PDE4B: variants seen among roughly 807,000 people sequenced by gnomAD.
The protein encoded by PDE4B is phosphodiesterase 4B, also known as 3',5'-cyclic-AMP phosphodiesterase 4B.
PDE4B carries 20 observed loss-of-function variants against 82.2 expected under a neutral mutation model. The ratio of observed to expected loss-of-function variants is 0.24; its 90% CI spans 0.17 to 0.35. The LOEUF (loss-of-function observed/expected upper bound fraction) is 0.35. Ranked by LOEUF, PDE4B falls within the 10% of genes least tolerant of loss-of-function variation. The pLI, the probability that PDE4B is intolerant of heterozygous loss-of-function variation, is 1.00. For missense variants in PDE4B, 655 were observed against 907.2 expected (o/e 0.72, Z 3.57); for synonymous variants, 320 against 318.9 (o/e 1.00, Z -0.04).
intron 3 of PDE4B, among the ~76,000 whole-genome samples, chr1:66,236,349 A>G (rs1009873746): frequency 1.3e-5 from 2 of 152,126 alleles, no homozygotes; most frequent in African/African-American, 4.8e-5. Context: ...GTTTACTTCT[A>G]CATATGTCAT....
At chr1:66,238,213 A>T (rs1217970045) in intron 3 of PDE4B, among the ~76,000 whole-genome samples, 1 of 152,212 alleles carries the variant, frequency 6.6e-6, no homozygotes, top group Non-Finnish European at 1.5e-5. Flanking sequence ...AGCAAAGCAG[A>T]TATACCAGGA....
At chr1:65,819,895 A>G (rs961906552) in intron 1 of PDE4B, among the ~76,000 whole-genome samples, 1 of 152,214 alleles carries the variant, frequency 6.6e-6, no homozygotes, top group Non-Finnish European at 1.5e-5. Flanking sequence ...GAAGGATTCC[A>G]CCAATGTATA....
At chr1:65,970,785 A>G (rs1650087690) in intron 3 of PDE4B, among the ~76,000 whole-genome samples, 1 of 152,080 alleles carries the variant, frequency 6.6e-6, no homozygotes, top group South Asian at 2.1e-4. Context: ...ATCTATAACA[A>G]GCAATGCATG....
intron 3 of PDE4B, among the ~76,000 whole-genome samples, chr1:66,104,331 T>G (rs1645292729): frequency 6.6e-6 from 1 of 150,602 alleles, no homozygotes; most frequent in Admixed American, 6.6e-5. Context: ...CTTAATCCAG[T>G]CTATCATTGT....
intron 1 of PDE4B, among the ~76,000 whole-genome samples, chr1:65,859,425 A>G (rs576556589): frequency 2.6e-5 from 4 of 152,174 alleles, no homozygotes; most frequent in South Asian, 2.1e-4. Flanking sequence ...TGCCACATTT[A>G]CCTTTTAGGT....
At chr1:65,865,129 G>T (rs1646496587) in intron 1 of PDE4B, among the ~76,000 whole-genome samples, 1 of 152,212 alleles carries the variant, frequency 6.6e-6, no homozygotes, top group African/African-American at 2.4e-5. Flanking sequence ...GCTTTGCCAT[G>T]CTGTGGTGAG....
chr1:65,978,979 G>A (rs545149846), intron 3 of PDE4B, among the ~76,000 whole-genome samples: 1 of 152,216 alleles, frequency 6.6e-6, no homozygotes, highest in African/African-American at 2.4e-5. Context: ...CAACTCATTT[G>A]TATTTGAAAT....
At chr1:66,248,954 G>T (rs529658020) in intron 4 of PDE4B, among the ~76,000 whole-genome samples, 15 of 152,302 alleles carry the variant, frequency 9.8e-5, no homozygotes, top group African/African-American at 3.1e-4. Flanking sequence ...TGAGAAACTT[G>T]CCCCTATCCC....
chr1:66,187,625 G>T (rs1382441874), intron 3 of PDE4B, among the ~76,000 whole-genome samples: 6 of 152,208 alleles, frequency 3.9e-5, no homozygotes, highest in African/African-American at 9.6e-5. Context: ...TTGCGTAGAG[G>T]TGTTTGTAGT....
chr1:65,883,605 G>C (rs1646735718), intron 1 of PDE4B, among the ~76,000 whole-genome samples: 1 of 152,270 alleles, frequency 6.6e-6, no homozygotes, highest in Admixed American at 6.5e-5. Flanking sequence ...TCTGCAAACA[G>C]GGAGAATTTG....
At chr1:66,080,745 TTTC>T (rs1656680403) in intron 3 of PDE4B, among the ~76,000 whole-genome samples, 1 of 152,212 alleles carries the variant, frequency 6.6e-6, no homozygotes, top group Middle Eastern at 3.4e-3. Context: ...GTATTTTTCT[TTTC>T]TTCTTTGTTA....
At chr1:66,090,621 A>ATGTGTGTCTGTG (rs1553144263) in intron 3 of PDE4B, among the ~76,000 whole-genome samples, 2 of 122,738 alleles carry the variant, frequency 1.6e-5, no homozygotes, top group Admixed American at 8.1e-5. Context: ...TATATAATAT[A>ATGTGTGTCTGTG]TGTGTGTGTG....
chr1:65,913,462 C>T (rs1647120234), intron 2 of PDE4B, 106 bp downstream of exon 2: 3 of 1,039,252 alleles, frequency 2.9e-6, no homozygotes, highest in Non-Finnish European at 4.5e-6. Flanking sequence ...CACTCTGTGA[C>T]TAGGTGTTTC....
intron 1 of PDE4B, among the ~76,000 whole-genome samples, chr1:65,803,770 A>C (rs2101171208): frequency 6.6e-6 from 1 of 152,372 alleles, no homozygotes; most frequent in Non-Finnish European, 1.5e-5. Flanking sequence ...CTTTACTAAA[A>C]AAATCTTCAA....
chr1:66,185,666 C>T (rs540997875), intron 3 of PDE4B, among the ~76,000 whole-genome samples: 15 of 152,282 alleles, frequency 9.9e-5, no homozygotes, highest in Non-Finnish European at 1.5e-4. Context: ...TTATCTTCTT[C>T]GCCCACTGGT....
intron 3 of PDE4B, among the ~76,000 whole-genome samples, chr1:65,928,466 G>T (rs2100508881): frequency 6.6e-6 from 1 of 152,268 alleles, no homozygotes; most frequent in Non-Finnish European, 1.5e-5. Context: ...CAATAAGGTA[G>T]CTACGCCCAC....
At chr1:66,109,518 A>G (rs1220733251) in intron 3 of PDE4B, among the ~76,000 whole-genome samples, 1 of 151,836 alleles carries the variant, frequency 6.6e-6, no homozygotes, top group African/African-American at 2.4e-5. Flanking sequence ...CACATTATAG[A>G]TATGAATTAA....
intron 3 of PDE4B, among the ~76,000 whole-genome samples, chr1:66,157,104 G>A (rs1046594326): frequency 6.6e-6 from 1 of 152,206 alleles, no homozygotes; most frequent in Non-Finnish European, 1.5e-5. Flanking sequence ...GGACCCTGCT[G>A]TAATGCCAGT....
At position 65,837,847 on chromosome 1, in the gene PDE4B, A is replaced by G. The variant is rs182232626; in HGVS notation, c.-71+44599A>G. On this transcript the variant is annotated intron_variant, in intron 1 of 16. Transcript: ENST00000341517. ...GGTCTGTTGTACAGATTATTTCATCACCCAGGTTTTAAGCCTAGTACCCAT... is the reference window on the plus strand; with the variant it reads ...GGTCTGTTGTACAGATTATTTCATCGCCCAGGTTTTAAGCCTAGTACCCAT... Among the ~76,000 whole-genome samples the G allele has an allele frequency of 5.1e-4, 77 of 152,094 alleles. 2 individuals carry two copies. The East Asian group carries it at 0.014, about 28-fold the overall frequency.
Sources: allele counts gnomAD v4.1 joint callset (sites outside exome capture counted in the v4.1 genomes callset), GRCh38; gene constraint gnomAD v4.1.1; transcripts MANE v1.5; gene names NCBI Gene and HGNC (gene_info 2026-07-23, HGNC 2026-07-21).